The following VPS37A variants were observed in gnomAD, a reference collection of about 807,000 sequenced individuals.
VPS37A encodes the protein vacuolar protein sorting-associated protein 37A.
In VPS37A, 30 loss-of-function variants were observed where a neutral mutation model predicts 49.8. The ratio of observed to expected loss-of-function variants is 0.60; its 90% confidence interval spans 0.45 to 0.82. VPS37A has a LOEUF of 0.82. VPS37A is among the 40% of genes least tolerant of loss of function. The pLI is 0.00. For synonymous variants in VPS37A, 195 were observed against 160.6 expected (o/e 1.21, Z -1.62); for missense variants, 593 against 464.4 (o/e 1.28, Z -2.55).
chr8:17,265,480 C>T (rs552441185), intron 1 of VPS37A, among the ~76,000 whole-genome samples: 131 of 152,284 alleles, frequency 8.6e-4, no homozygotes, highest in African/African-American at 2.7e-3. Context: ...TGCGTCTCAT[C>T]TAGACTTTTA....
At chr8:17,333,379 A>G in the VPS37A span, among the ~76,000 whole-genome samples, 1 of 152,222 alleles carries the variant, frequency 6.6e-6, no homozygotes, top group African/African-American at 2.4e-5. Context: ...ACTGCTTTGT[A>G]TAATTATTTT....
chr8:17,280,098 C>G lies in VPS37A; in HGVS notation c.784C>G (p.Leu262Val). 2 of 1,612,684 alleles carry G rather than the reference C, an allele frequency of 1.2e-6. No homozygotes were observed. The highest frequency in any genetic ancestry group is 1.7e-6 in the Non-Finnish European group (2 of 1,179,286). The change falls in exon 7 of 12, where the codon CTA (leucine) becomes GTA (valine). Residue 262 changes from leucine (L) to valine (V), a missense_variant. By Grantham distance (32) the Leu-to-Val change is conservative. Coordinates refer to ENST00000324849, the MANE Select transcript of VPS37A (RefSeq NM_152415.3). ...AGAACAGTTTCTGACTTTGCCTCAA[C>G]TAAAACAAATTATTACCGACAAAGA... Reference protein sequence around the residue: ...LLEQFLTLPQLKQIITDKDDL... With the variant: ...LLEQFLTLPQVKQIITDKDDL...
intron 4 of VPS37A, among the ~76,000 whole-genome samples, chr8:17,269,185 A>G (rs976593932): frequency 6.6e-5 from 10 of 152,068 alleles, no homozygotes; most frequent in Non-Finnish European, 1.0e-4. Flanking sequence ...CGATTCTTTC[A>G]TTTTAGATAT....
At chr8:17,262,120 G>A (rs1333314680) in intron 1 of VPS37A, among the ~76,000 whole-genome samples, 1 of 152,112 alleles carries the variant, frequency 6.6e-6, no homozygotes, top group Admixed American at 6.6e-5. Flanking sequence ...ATTGTGGGGA[G>A]AGGCATCACA....
intron 1 of VPS37A, among the ~76,000 whole-genome samples, chr8:17,252,995 C>T (rs1020476392): frequency 8.6e-5 from 13 of 152,008 alleles, no homozygotes; most frequent in African/African-American, 3.1e-4. Context: ...TATTTGTAAC[C>T]AGTGATTAAG....
the VPS37A span, among the ~76,000 whole-genome samples, chr8:17,325,362 G>A: frequency 6.6e-6 from 1 of 152,130 alleles, no homozygotes; most frequent in African/African-American, 2.4e-5. Flanking sequence ...AATCCATCAG[G>A]CCTCAAAACC....
the VPS37A span, chr8:17,311,732 GAAAC>G: frequency 5.1e-6 from 8 of 1,565,092 alleles, no homozygotes; most frequent in Admixed American, 1.8e-5. Flanking sequence ...TTTACAGAAA[GAAAC>G]AGCCAAAACG....
At chr8:17,254,032 A>G (rs533760006) in intron 1 of VPS37A, among the ~76,000 whole-genome samples, 19 of 152,282 alleles carry the variant, frequency 1.2e-4, no homozygotes, top group African/African-American at 4.3e-4. Flanking sequence ...CTGATATTAC[A>G]TAAATTTATA....
At chr8:17,328,845 G>C in the VPS37A span, among the ~76,000 whole-genome samples, 1 of 152,188 alleles carries the variant, frequency 6.6e-6, no homozygotes, top group African/African-American at 2.4e-5. Flanking sequence ...CTATGTGACT[G>C]AAAGGCATCA....
intron 5 of VPS37A, 48 bp downstream of exon 5, chr8:17,275,006 C>T: frequency 6.6e-7 from 1 of 1,520,464 alleles, no homozygotes; most frequent in Non-Finnish European, 9.1e-7. Flanking sequence ...AACATTCATT[C>T]AATCCACACA....
chr8:17,302,772 G>C (rs1451828885), downstream of VPS37A, among the ~76,000 whole-genome samples: 3 of 136,718 alleles, frequency 2.2e-5, no homozygotes, highest in Non-Finnish European at 4.6e-5. Flanking sequence ...AAGTGCAGTG[G>C]TGTGATATCG....
At chr8:17,283,404 C>T (rs1815284553) in intron 9 of VPS37A, among the ~76,000 whole-genome samples, 1 of 152,164 alleles carries the variant, frequency 6.6e-6, no homozygotes, top group Admixed American at 6.5e-5. Context: ...CATCTGCTTG[C>T]CTCAGGCTCC....
chr8:17,275,537 A>T (rs1180255119), intron 5 of VPS37A, among the ~76,000 whole-genome samples: 3 of 152,250 alleles, frequency 2.0e-5, no homozygotes, highest in South Asian at 2.1e-4. Context: ...AAGGCAGAAG[A>T]ATGATCATGT....
At chr8:17,251,974 T>G (rs1009476979) in intron 1 of VPS37A, among the ~76,000 whole-genome samples, 13 of 152,182 alleles carry the variant, frequency 8.5e-5, no homozygotes, top group Non-Finnish European at 1.5e-4. Context: ...TAAGCTTAAA[T>G]TCCATGCTCT....
chr8:17,271,909 T>A, intron 4 of VPS37A: 1 of 449,800 alleles, frequency 2.2e-6, no homozygotes, highest in Non-Finnish European at 4.4e-6. Context: ...GAATGAGAGA[T>A]AAATTTATTT....
At chr8:17,261,118 C>G (rs1812922801) in intron 1 of VPS37A, among the ~76,000 whole-genome samples, 2 of 152,158 alleles carry the variant, frequency 1.3e-5, no homozygotes, top group African/African-American at 4.8e-5. Context: ...ATGTGGTCTT[C>G]TGAGGCAATA....
At chr8:17,332,982 G>C in the VPS37A span, among the ~76,000 whole-genome samples, 3 of 152,098 alleles carry the variant, frequency 2.0e-5, no homozygotes, top group Non-Finnish European at 4.4e-5. Flanking sequence ...TTGATACCGA[G>C]AGCATATATG....
At chr8:17,258,469 C>T (rs987389085) in intron 1 of VPS37A, among the ~76,000 whole-genome samples, 1 of 152,106 alleles carries the variant, frequency 6.6e-6, no homozygotes, top group Non-Finnish European at 1.5e-5. Context: ...TTGCACTGTC[C>T]TTGCATTCCT....
At chr8:17,314,207 G>A in the VPS37A span, among the ~76,000 whole-genome samples, 2 of 152,286 alleles carry the variant, frequency 1.3e-5, no homozygotes, top group East Asian at 3.9e-4. Context: ...CAAAGTGGAG[G>A]TTTAGACCTA....
Sources: gnomAD v4.1 joint callset for allele counts (sites outside exome capture counted in the v4.1 genomes callset) on GRCh38, gnomAD v4.1.1 for gene constraint, MANE v1.5 for transcripts, NCBI Gene and HGNC (gene_info 2026-07-23, HGNC 2026-07-21) for gene names.